The following EPHA5 variants were observed in gnomAD, a reference collection of about 807,000 sequenced individuals.
The protein encoded by EPHA5 is EPH receptor A5, also known as ephrin type-A receptor 5.
A neutral mutation model predicts 105.0 loss-of-function variants in EPHA5; 60 were observed. The ratio of observed to expected loss-of-function variants is 0.57; its 90% CI spans 0.46 to 0.71. The LOEUF is 0.71. EPHA5 is among the 30% of genes least tolerant of loss of function. The pLI, the probability that EPHA5 is intolerant of heterozygous loss-of-function variation, is 0.00. For synonymous variants in EPHA5, 513 were observed against 449.1 expected, an observed-to-expected ratio of 1.14 and a Z score of -1.80; for missense variants, 1,218 against 1,274.7, an observed-to-expected ratio of 0.96 and a Z score of 0.68.
At chr4:65,627,591 T>C (rs1392137431) in intron 2 of EPHA5, among the ~76,000 whole-genome samples, 1 of 152,144 alleles carries the variant, frequency 6.6e-6, no homozygotes, top group Non-Finnish European at 1.5e-5. Flanking sequence ...ATGGAATGTG[T>C]AGTTTGAGCA....
At chr4:65,356,153 G>A (rs886324760) in intron 11 of EPHA5, among the ~76,000 whole-genome samples, 3 of 151,418 alleles carry the variant, frequency 2.0e-5, no homozygotes, top group South Asian at 2.1e-4. Flanking sequence ...TTTACCCCAT[G>A]TCCTTTATGT....
chr4:65,656,764 G>A (rs968712432), intron 1 of EPHA5, among the ~76,000 whole-genome samples: 11 of 150,914 alleles, frequency 7.3e-5, no homozygotes, highest in African/African-American at 1.9e-4. Context: ...ACAGGTGCAC[G>A]CCACCATGTC....
At position 65,461,274 on chromosome 4, in the gene EPHA5, T is replaced by C. The variant is rs568738857; in HGVS notation, c.1402+29103A>G. ...GATCCAGTCACTATCTGTGATTTAA[T>C]ATTATGTTTCCATTTGGCTATACAA... On this transcript the variant is annotated intron_variant, in intron 5 of 16. Transcript: ENST00000613740. 4.6e-5 allele frequency among the ~76,000 whole-genome samples: 7 copies of C among 152,078 alleles called. No homozygotes were observed. The East Asian group carries it at 1.4e-3, about 29-fold the overall frequency.
intron 3 of EPHA5, among the ~76,000 whole-genome samples, chr4:65,522,540 A>G (rs1396911842): frequency 1.3e-5 from 2 of 151,924 alleles, no homozygotes; most frequent in East Asian, 3.9e-4. Flanking sequence ...TTATTAACAT[A>G]TAATCTGAAG....
chr4:65,549,740 G>A (rs904631912), intron 3 of EPHA5, among the ~76,000 whole-genome samples: 1 of 152,032 alleles, frequency 6.6e-6, no homozygotes, highest in Non-Finnish European at 1.5e-5. Context: ...TTAAACTAGA[G>A]GGTTATAGAT....
chr4:65,425,335 GC>G lies in EPHA5; in HGVS notation c.1403-4771del, dbSNP rs1486324349. Among the ~76,000 whole-genome samples the G allele has an allele frequency of 2.0e-5, 3 of 152,074 alleles. 1 individual carries two copies. The highest frequency in any genetic ancestry group is 1.3e-4 in the Admixed American group (2 of 15,262). ...AACTGTCAGTATCTGCCAGCTGGAA[GC>G]CCCCACTTCTCACTGCTATGCACAC... On this transcript the variant is annotated intron_variant, in intron 5 of 16. Coordinates refer to ENST00000613740, the MANE Select transcript of EPHA5 (RefSeq NM_001281766.3).
chr4:65,622,149 T>C (rs1578607658), intron 2 of EPHA5, among the ~76,000 whole-genome samples: 2 of 152,180 alleles, frequency 1.3e-5, no homozygotes, highest in South Asian at 4.1e-4. Context: ...CTTATTTTAT[T>C]TTCTAGAAAA....
At chr4:65,449,655 A>G (rs1726891311) in intron 5 of EPHA5, among the ~76,000 whole-genome samples, 1 of 152,130 alleles carries the variant, frequency 6.6e-6, no homozygotes, top group African/African-American at 2.4e-5. Context: ...CCCCAATCCC[A>G]TTACTCGTGA....
chr4:65,644,200 G>T (rs1747919534), intron 1 of EPHA5, among the ~76,000 whole-genome samples: 1 of 113,392 alleles, frequency 8.8e-6, no homozygotes, highest in African/African-American at 2.6e-5. Flanking sequence ...CCATTTATGA[G>T]TATCTACACA....
At chr4:65,348,245 A>C (rs748430411) in intron 13 of EPHA5, 42 bp from the exon 14 acceptor site, 2 of 1,570,248 alleles carry the variant, frequency 1.3e-6, no homozygotes, top group Non-Finnish European at 1.7e-6. Flanking sequence ...ACATACTTCA[A>C]ATGTGCCTAG....
chr4:65,386,558 T>C (rs1338369357), intron 8 of EPHA5, among the ~76,000 whole-genome samples: 1 of 151,904 alleles, frequency 6.6e-6, no homozygotes, highest in African/African-American at 2.4e-5. Context: ...ACACAAAATC[T>C]TTCTCTCAAA....
intron 7 of EPHA5, among the ~76,000 whole-genome samples, chr4:65,404,699 T>A (rs1722189779): frequency 6.6e-6 from 1 of 152,178 alleles, no homozygotes; most frequent in Non-Finnish European, 1.5e-5. Context: ...CATCACTAAG[T>A]CACTGATTAT....
chr4:65,499,354 T>A (rs1395666646), intron 3 of EPHA5, among the ~76,000 whole-genome samples: 2 of 151,680 alleles, frequency 1.3e-5, no homozygotes, highest in Non-Finnish European at 3.0e-5. Flanking sequence ...TCTTTTAAGA[T>A]GCTCAAAAAC....
chr4:65,544,615 T>C (rs1418722354), intron 3 of EPHA5, among the ~76,000 whole-genome samples: 4 of 152,042 alleles, frequency 2.6e-5, no homozygotes, highest in Admixed American at 2.6e-4. Flanking sequence ...AGCGACGCTT[T>C]TACATTGTTG....
chr4:65,366,446 T>C (rs1717919177), intron 9 of EPHA5, among the ~76,000 whole-genome samples: 1 of 151,880 alleles, frequency 6.6e-6, no homozygotes, highest in Non-Finnish European at 1.5e-5. Flanking sequence ...GTATTAATTT[T>C]AATTTTATGC....
chr4:65,352,784 T>A (rs999469581), intron 12 of EPHA5, among the ~76,000 whole-genome samples: 4 of 96,814 alleles, frequency 4.1e-5, no homozygotes, highest in African/African-American at 1.1e-4. Flanking sequence ...TCTACTTCTC[T>A]GCATTTTTTT....
chr4:65,422,395 C>T (rs762787569), intron 5 of EPHA5, among the ~76,000 whole-genome samples: 9 of 152,202 alleles, frequency 5.9e-5, no homozygotes, highest in Admixed American at 1.3e-4. Context: ...CATCAAGGAG[C>T]ATGCTCAATT....
At chr4:65,436,415 G>A (rs1237257285) in intron 5 of EPHA5, among the ~76,000 whole-genome samples, 1 of 151,808 alleles carries the variant, frequency 6.6e-6, no homozygotes, top group Non-Finnish European at 1.5e-5. Context: ...AGACACTCAT[G>A]TTAAATAAAA....
chr4:65,579,736 G>A (rs1025474308), intron 3 of EPHA5, among the ~76,000 whole-genome samples: 2 of 151,822 alleles, frequency 1.3e-5, no homozygotes, highest in Non-Finnish European at 1.5e-5. Context: ...CCAATCACAT[G>A]GCAATCAAGA....
Sources: allele counts gnomAD v4.1 joint callset (sites outside exome capture counted in the v4.1 genomes callset), GRCh38; gene constraint gnomAD v4.1.1; transcripts MANE v1.5; gene names NCBI Gene and HGNC (gene_info 2026-07-23, HGNC 2026-07-21).